CSMD3: variants seen among roughly 807,000 people sequenced by gnomAD.
CSMD3 encodes CUB and sushi domain-containing protein 3.
A neutral mutation model predicts 435.2 loss-of-function variants in CSMD3; 177 were observed. That is an observed-to-expected ratio of 0.41 (90% CI 0.36 to 0.46). The LOEUF is 0.46. Among genes scored for constraint, CSMD3 ranks in the 20% least tolerant of loss-of-function variants. CSMD3 has a pLI of 0.34. For synonymous variants in CSMD3, 1,656 were observed against 1,520.5 expected, an observed-to-expected ratio of 1.09 and a Z score of -2.07; for missense variants, 4,265 against 4,504.6, an observed-to-expected ratio of 0.95 and a Z score of 1.52.
At chr8:113,285,995 T>C (rs2093643983) in intron 2 of CSMD3, among the ~76,000 whole-genome samples, 1 of 152,210 alleles carries the variant, frequency 6.6e-6, no homozygotes, top group Non-Finnish European at 1.5e-5. Context: ...GTACATTTTC[T>C]CATCTGACAG....
chr8:113,086,831 A>G (rs1293354696), intron 5 of CSMD3, among the ~76,000 whole-genome samples: 1 of 152,160 alleles, frequency 6.6e-6, no homozygotes, highest in African/African-American at 2.4e-5. Flanking sequence ...TTTCAGTTTA[A>G]ATCAGTGTCC....
chr8:113,152,745 C>A (rs1395362326), intron 4 of CSMD3, among the ~76,000 whole-genome samples: 1 of 151,780 alleles, frequency 6.6e-6, no homozygotes, highest in African/African-American at 2.4e-5. Flanking sequence ...TTTGGGAGGC[C>A]AATTGAGTGG....
At chr8:112,494,030 AT>A (rs1820967025) in intron 30 of CSMD3, among the ~76,000 whole-genome samples, 1 of 152,134 alleles carries the variant, frequency 6.6e-6, no homozygotes, top group Non-Finnish European at 1.5e-5. Context: ...CTACAAACAT[AT>A]TTTTATATCA....
At chr8:112,564,734 A>G (rs902611267) in intron 24 of CSMD3, among the ~76,000 whole-genome samples, 4 of 152,064 alleles carry the variant, frequency 2.6e-5, no homozygotes, top group African/African-American at 9.7e-5. Flanking sequence ...ATTTGTTGGC[A>G]AGAGAATCTG....
At chr8:112,588,472 A>G (rs1482265173) in intron 22 of CSMD3, among the ~76,000 whole-genome samples, 1 of 152,042 alleles carries the variant, frequency 6.6e-6, no homozygotes, top group Non-Finnish European at 1.5e-5. Context: ...AAGAAAAAAA[A>G]AAATCAAAGT....
intron 21 of CSMD3, 129 bp from the exon 22 acceptor site, chr8:112,637,134 T>C: frequency 1.4e-6 from 1 of 731,500 alleles, no homozygotes; most frequent in African/African-American, 1.8e-5. Context: ...ACTATATGAA[T>C]AGCTATCAGA....
intron 32 of CSMD3, among the ~76,000 whole-genome samples, chr8:112,418,295 T>G (rs541506089): frequency 9.2e-5 from 14 of 152,302 alleles, no homozygotes; most frequent in African/African-American, 3.4e-4. Flanking sequence ...AGGGTACATG[T>G]GCACAACGTG....
At chr8:113,292,999 T>C (rs2093696601) in intron 2 of CSMD3, among the ~76,000 whole-genome samples, 1 of 151,848 alleles carries the variant, frequency 6.6e-6, no homozygotes, top group South Asian at 2.1e-4. Flanking sequence ...GAGTCCCATT[T>C]TAAATTCCTT....
chr8:112,705,442 A>G (rs1039128991), intron 13 of CSMD3, among the ~76,000 whole-genome samples: 1 of 152,062 alleles, frequency 6.6e-6, no homozygotes, highest in Non-Finnish European at 1.5e-5. Flanking sequence ...CTTTGTCTAA[A>G]AAGTATATAA....
rs527427527 is a variant in CSMD3, at chr8:112,444,030, T to G, written c.5395+28561A>C. On this transcript the variant is annotated intron_variant, in intron 32 of 70. Coordinates refer to ENST00000297405, the MANE Select transcript of CSMD3 (RefSeq NM_198123.2). Reference sequence around the variant, plus strand: ...TTCTCAAATTCATATTGTATTACAATGTAGTAGAACTGAGTAACTATTTTT... The same window carrying G: ...TTCTCAAATTCATATTGTATTACAAGGTAGTAGAACTGAGTAACTATTTTT... Among the ~76,000 whole-genome samples, 14 of 152,306 alleles carry G rather than the reference T, an allele frequency of 9.2e-5. No homozygotes were observed. The East Asian group carries it at 2.7e-3, about 29-fold the overall frequency.
At chr8:112,481,193 A>T (rs557712123) in intron 31 of CSMD3, among the ~76,000 whole-genome samples, 1 of 152,184 alleles carries the variant, frequency 6.6e-6, no homozygotes, top group Admixed American at 6.5e-5. Context: ...AGACAGAAGA[A>T]TAGAAGAAGA....
At chr8:113,077,096 A>G (rs1588024759) in intron 5 of CSMD3, among the ~76,000 whole-genome samples, 1 of 152,112 alleles carries the variant, frequency 6.6e-6, no homozygotes, top group East Asian at 1.9e-4. Flanking sequence ...ATAAAATTAC[A>G]CAGAATTAAA....
At chr8:113,243,724 C>A (rs2093245117) in intron 3 of CSMD3, among the ~76,000 whole-genome samples, 2 of 152,048 alleles carry the variant, frequency 1.3e-5, no homozygotes, top group Admixed American at 1.3e-4. Flanking sequence ...CTTACATATC[C>A]ATAAGCAATG....
intron 2 of CSMD3, among the ~76,000 whole-genome samples, chr8:113,288,739 G>A (rs1233514396): frequency 1.3e-5 from 2 of 151,626 alleles, no homozygotes; most frequent in Non-Finnish European, 3.0e-5. Flanking sequence ...GTGACTATAA[G>A]CTTGTATTTT....
chr8:113,360,433 T>C (rs924489724), intron 1 of CSMD3, among the ~76,000 whole-genome samples: 1 of 152,154 alleles, frequency 6.6e-6, no homozygotes, highest in Non-Finnish European at 1.5e-5. Context: ...TTTATTTTGT[T>C]TATCTCATAT....
intron 58 of CSMD3, among the ~76,000 whole-genome samples, chr8:112,283,313 T>C (rs1004519867): frequency 7.9e-5 from 12 of 152,026 alleles, no homozygotes; most frequent in Middle Eastern, 3.4e-3. Context: ...TTTGCCTTTC[T>C]TTTGTTGCTA....
rs1421177380 is a variant in CSMD3, at chr8:113,420,992, A to G, written c.178+15685T>C. Among the ~76,000 whole-genome samples the G allele has an allele frequency of 3.9e-5, 6 of 152,134 alleles. No individual in the cohort carries two copies. In the East Asian group the frequency reaches 1.2e-3, roughly 29 times the overall value. On this transcript the variant is annotated intron_variant, in intron 1 of 70. Transcript: ENST00000297405. ...TGATGACTTGTATAAATATTAGCAA[A>G]TCATTCAAAGAAATACTACTGATAG...
chr8:113,266,349 G>T (rs2093471073), intron 3 of CSMD3, among the ~76,000 whole-genome samples: 1 of 151,038 alleles, frequency 6.6e-6, no homozygotes, highest in Non-Finnish European at 1.5e-5. Context: ...ATTTGCAAGG[G>T]TGTATTTTGC....
At chr8:113,355,845 T>C (rs2094223105) in intron 1 of CSMD3, among the ~76,000 whole-genome samples, 1 of 146,154 alleles carries the variant, frequency 6.8e-6, no homozygotes, top group Non-Finnish European at 1.5e-5. Flanking sequence ...GGAGCAGTTT[T>C]TCATCTTTTG....
Sources: gnomAD v4.1 joint callset for allele counts (sites outside exome capture counted in the v4.1 genomes callset) on GRCh38, gnomAD v4.1.1 for gene constraint, MANE v1.5 for transcripts, NCBI Gene and HGNC (gene_info 2026-07-23, HGNC 2026-07-21) for gene names.